Variants in RAPGEF4 observed in about 807,000 individuals in gnomAD.
RAPGEF4 encodes the protein RAP guanine-nucleotide-exchange factor (GEF) 4.
In RAPGEF4, 66 loss-of-function variants were observed where a neutral mutation model predicts 147.9. That is an observed-to-expected ratio of 0.45 (90% CI 0.37 to 0.55). The LOEUF (loss-of-function observed/expected upper bound fraction) is 0.55, where lower values mean the gene tolerates loss of function less well. Among genes scored for constraint, RAPGEF4 ranks in the 20% least tolerant of loss-of-function variants. The pLI is 0.00. For missense variants in RAPGEF4, 1,071 were observed against 1,257.3 expected (o/e 0.85, Z 2.24); for synonymous variants, 419 against 442.7 (o/e 0.95, Z 0.67).
chr2:172,959,461 C>A (rs1689066991), intron 6 of RAPGEF4, among the ~76,000 whole-genome samples: 1 of 152,154 alleles, frequency 6.6e-6, no homozygotes, highest in Admixed American at 6.5e-5. Context: ...TTTTTGGAGT[C>A]CCTTTTGCCG....
Position 172,776,690 on chromosome 2 carries a change from C to CT in RAPGEF4, c.66-18327dup, listed in dbSNP as rs909049575. 7.9e-5 allele frequency among the ~76,000 whole-genome samples: 12 copies of CT among 151,764 alleles called. No homozygotes were observed. The South Asian group carries it at 1.9e-3, about 24-fold the overall frequency. On this transcript the variant is annotated intron_variant, in intron 1 of 30. Transcript: ENST00000397081. ...TTGCCTGCCTTGAGGTTCAGTTATC[C>CT]TTTTTTTTCTGCAGTGCCCAATCTA... is the stretch of plus-strand genomic sequence containing the variant.
chr2:172,942,568 T>TAAAA (rs60948094), intron 6 of RAPGEF4, among the ~76,000 whole-genome samples: 1 of 107,838 alleles, frequency 9.3e-6, no homozygotes, highest in African/African-American at 3.5e-5. Context: ...TAGAGTCTGG[T>TAAAA]AAAAAAAAAA....
intron 4 of RAPGEF4, among the ~76,000 whole-genome samples, chr2:172,844,728 C>T (rs1196389186): frequency 6.6e-6 from 1 of 152,094 alleles, no homozygotes; most frequent in African/African-American, 2.4e-5. Context: ...TACTTGTTCT[C>T]CAAATTTTAT....
chr2:173,001,992 G>GAAAAAAAAAAAAA (rs1693967072), intron 17 of RAPGEF4, among the ~76,000 whole-genome samples: 1 of 9,808 alleles, frequency 1.0e-4, no homozygotes. Context: ...GGTGATGCTG[G>GAAAAAAAAAAAAA]CAAAAAAAAA....
intron 1 of RAPGEF4, among the ~76,000 whole-genome samples, chr2:172,737,191 GA>G (rs1477214644): frequency 6.6e-6 from 1 of 152,168 alleles, no homozygotes; most frequent in Non-Finnish European, 1.5e-5. Context: ...TCAGTAGCAA[GA>G]TTTTTTGGCA....
At chr2:172,819,461 C>CTTTTTTTTTTTTTTTTTTTTTTTTT (rs1242605865) in intron 4 of RAPGEF4, among the ~76,000 whole-genome samples, 2 of 87,008 alleles carry the variant, frequency 2.3e-5, no homozygotes, top group Admixed American at 1.7e-4. Context: ...ATTTTTAGTT[C>CTTTTTTTTTTTTTTTTTTTTTTTTT]TTTTTTTTTT....
At chr2:173,013,366 A>C (rs557384477) in intron 17 of RAPGEF4, among the ~76,000 whole-genome samples, 1 of 152,332 alleles carries the variant, frequency 6.6e-6, no homozygotes, top group South Asian at 2.1e-4. Context: ...TCACTCTGTA[A>C]TCCTGGCCAT....
intron 4 of RAPGEF4, among the ~76,000 whole-genome samples, chr2:172,833,911 G>T (rs913821127): frequency 6.6e-6 from 1 of 151,990 alleles, no homozygotes; most frequent in Non-Finnish European, 1.5e-5. Flanking sequence ...TCATTTTATT[G>T]TCTACTGCTT....
At chr2:172,843,016 C>T (rs2149709155) in intron 4 of RAPGEF4, among the ~76,000 whole-genome samples, 1 of 152,254 alleles carries the variant, frequency 6.6e-6, no homozygotes, top group African/African-American at 2.4e-5. Context: ...TGGATTTAGT[C>T]CTGCTGACAC....
chr2:173,027,090 A>G lies in RAPGEF4; in HGVS notation c.2389A>G (p.Ile797Val), dbSNP rs1488841003. 1 of 1,593,394 alleles carries G rather than the reference A, an allele frequency of 6.3e-7. No homozygotes were observed. The highest frequency in any genetic ancestry group is 8.5e-7 in the Non-Finnish European group (1 of 1,174,064). The stretch of plus-strand genomic sequence containing the variant: ...TTCCTTTATTTTCTAGCTGGAGCTA[A>G]TCTATCACACATTTGGAAGGCATAA... ...LFNCVHELELIYHTFGRHNFK... is the reference protein window; with the variant it reads ...LFNCVHELELVYHTFGRHNFK... The change falls in exon 25 of 31, where the codon ATC (isoleucine) becomes GTC (valine). Residue 797 changes from isoleucine to valine, a missense_variant. By Grantham distance (29) the Ile-to-Val change is conservative. Coordinates refer to ENST00000397081, the MANE Select transcript of RAPGEF4 (RefSeq NM_007023.4).
chr2:172,816,882 A>G (rs1040544303), intron 4 of RAPGEF4, among the ~76,000 whole-genome samples: 19 of 152,248 alleles, frequency 1.2e-4, no homozygotes, highest in Admixed American at 5.9e-4. Context: ...TTGCCTGTTC[A>G]TGCAACTAAG....
At chr2:172,787,055 C>CA (rs1161631356) in intron 1 of RAPGEF4, among the ~76,000 whole-genome samples, 1 of 151,660 alleles carries the variant, frequency 6.6e-6, no homozygotes, top group African/African-American at 2.4e-5. Flanking sequence ...ACTAAAAATA[C>CA]AAAAAAATTA....
intron 22 of RAPGEF4, among the ~76,000 whole-genome samples, chr2:173,019,794 G>A (rs1198526459): frequency 1.3e-5 from 2 of 152,174 alleles, no homozygotes; most frequent in South Asian, 2.1e-4. Flanking sequence ...TTACCCAAAT[G>A]TCAGTGTCTC....
chr2:172,781,994 T>C (rs909954174), intron 1 of RAPGEF4, among the ~76,000 whole-genome samples: 1 of 152,186 alleles, frequency 6.6e-6, no homozygotes, highest in African/African-American at 2.4e-5. Context: ...AGTCCCCGAC[T>C]TCACACCTTC....
At chr2:172,983,907 G>A (rs1231902813) in intron 11 of RAPGEF4, among the ~76,000 whole-genome samples, 1 of 152,142 alleles carries the variant, frequency 6.6e-6, no homozygotes, top group Non-Finnish European at 1.5e-5. Context: ...GCCTGGGAGG[G>A]ACTCTGAATC....
chr2:173,043,836 G>A (rs919913283), intron 29 of RAPGEF4, among the ~76,000 whole-genome samples: 4 of 152,190 alleles, frequency 2.6e-5, no homozygotes, highest in Non-Finnish European at 4.4e-5. Flanking sequence ...TTGGGATGCC[G>A]GCCTCAGAGC....
intron 4 of RAPGEF4, among the ~76,000 whole-genome samples, chr2:172,830,901 C>G (rs1446900217): frequency 2.0e-5 from 3 of 152,154 alleles, no homozygotes; most frequent in Non-Finnish European, 2.9e-5. Context: ...TCACCCTCCC[C>G]TGCCCCAACC....
intron 3 of RAPGEF4, among the ~76,000 whole-genome samples, chr2:172,799,146 G>A (rs62168124): frequency 0.33 from 50,622 of 152,024 alleles, 8,970 homozygotes; most frequent in Middle Eastern, 0.47. Context: ...ATCCATATGT[G>A]ATTTATCCAG....
chr2:172,741,443 T>C (rs1044181838), intron 1 of RAPGEF4, among the ~76,000 whole-genome samples: 3 of 152,238 alleles, frequency 2.0e-5, no homozygotes, highest in African/African-American at 7.2e-5. Context: ...CTGGGCCCTT[T>C]GCTGGGGAAG....
Sources: allele counts gnomAD v4.1 joint callset (sites outside exome capture counted in the v4.1 genomes callset), GRCh38; gene constraint gnomAD v4.1.1; transcripts MANE v1.5; gene names NCBI Gene and HGNC (gene_info 2026-07-23, HGNC 2026-07-21).